The following CSMD1 variants were observed in gnomAD, a reference collection of about 807,000 sequenced individuals.
CSMD1 encodes the protein CUB and Sushi multiple domains 1, also known as CUB and sushi domain-containing protein 1.
A neutral mutation model predicts 417.5 loss-of-function variants in CSMD1; 213 were observed. That is an observed-to-expected ratio of 0.51 (90% CI 0.46 to 0.57). The LOEUF (loss-of-function observed/expected upper bound fraction) is 0.57, where lower values mean the gene tolerates loss of function less well. Among genes scored for constraint, CSMD1 ranks in the 20% least tolerant of loss-of-function variants. CSMD1 has a pLI of 0.00. For missense variants in CSMD1, 6,923 were observed against 4,529.7 expected (o/e 1.53, Z -15.17); for synonymous variants, 2,862 against 1,736.8 (o/e 1.65, Z -16.11).
chr8:4,831,725 C>T (rs1800160513), intron 1 of CSMD1, among the ~76,000 whole-genome samples: 1 of 152,136 alleles, frequency 6.6e-6, no homozygotes, highest in African/African-American at 2.4e-5. Flanking sequence ...CAAACACATG[C>T]CTGTACCTGG....
At chr8:3,063,073 C>A (rs375462572) in intron 49 of CSMD1, among the ~76,000 whole-genome samples, 1 of 152,066 alleles carries the variant, frequency 6.6e-6, no homozygotes, top group Admixed American at 6.6e-5. Flanking sequence ...ACCCAAGAGT[C>A]CCAGGCTCAC....
At chr8:3,009,385 T>C (rs59889026) in intron 52 of CSMD1, among the ~76,000 whole-genome samples, 8 of 152,346 alleles carry the variant, frequency 5.3e-5, no homozygotes, top group African/African-American at 1.2e-4. Context: ...CCTGGGCCTG[T>C]AGGGGAATAC....
intron 5 of CSMD1, among the ~76,000 whole-genome samples, chr8:3,773,691 T>C (rs1275060122): frequency 1.3e-5 from 2 of 152,188 alleles, no homozygotes; most frequent in Non-Finnish European, 2.9e-5. Context: ...AGCAACAGCA[T>C]CTTAATTGAG....
chr8:4,019,127 G>C (rs996713150), intron 4 of CSMD1, among the ~76,000 whole-genome samples: 6 of 152,162 alleles, frequency 3.9e-5, no homozygotes, highest in African/African-American at 1.4e-4. Context: ...ACTAGGCCAT[G>C]GTATCGTAAG....
intron 37 of CSMD1, among the ~76,000 whole-genome samples, chr8:3,175,513 T>TTTTCC (rs1820874960): frequency 9.3e-5 from 5 of 53,772 alleles, no homozygotes; most frequent in South Asian, 8.1e-4. Context: ...GCCTGCCTTT[T>TTTTCC]TTCCTTCCTT....
intron 6 of CSMD1, among the ~76,000 whole-genome samples, chr8:3,712,553 A>G (rs922891696): frequency 7.2e-5 from 11 of 152,204 alleles, no homozygotes; most frequent in Non-Finnish European, 7.3e-5. Context: ...TGAGTCATTC[A>G]TTCTCAGATC....
intron 5 of CSMD1, among the ~76,000 whole-genome samples, chr8:3,778,389 G>A (rs1352150401): frequency 1.3e-5 from 2 of 152,308 alleles, no homozygotes; most frequent in East Asian, 1.9e-4. Context: ...ACCGGGGGCA[G>A]AAACAAATAA....
At chr8:4,302,802 C>A (rs549189638) in intron 3 of CSMD1, among the ~76,000 whole-genome samples, 93 of 152,218 alleles carry the variant, frequency 6.1e-4, no homozygotes, top group African/African-American at 2.2e-3. Context: ...CCTCTACAAG[C>A]CAGAGAGTGA....
At chr8:2,947,977 C>G (rs895981387) in intron 68 of CSMD1, among the ~76,000 whole-genome samples, 1 of 137,624 alleles carries the variant, frequency 7.3e-6, no homozygotes, top group Non-Finnish European at 1.6e-5. Context: ...TTTTTATATT[C>G]AGCACTTTGA....
chr8:3,318,145 G>A (rs1272215309), intron 23 of CSMD1, among the ~76,000 whole-genome samples: 2 of 152,142 alleles, frequency 1.3e-5, no homozygotes, highest in Admixed American at 1.3e-4. Flanking sequence ...TCCTGATGAT[G>A]AAGCTAGTAA....
intron 8 of CSMD1, 118 bp downstream of exon 8, chr8:3,616,592 T>C (rs1459902016): frequency 1.5e-6 from 1 of 667,624 alleles, no homozygotes; most frequent in Admixed American, 2.6e-5. Flanking sequence ...TTAGAGTTAA[T>C]GATTAAGAAG....
At chr8:4,779,229 C>G (rs1032690278) in intron 1 of CSMD1, among the ~76,000 whole-genome samples, 5 of 152,170 alleles carry the variant, frequency 3.3e-5, no homozygotes, top group African/African-American at 1.2e-4. Flanking sequence ...ATGTTAACGT[C>G]TCCCAGCCTC....
intron 23 of CSMD1, among the ~76,000 whole-genome samples, chr8:3,311,013 T>C (rs996197661): frequency 6.6e-6 from 1 of 152,162 alleles, no homozygotes; most frequent in Non-Finnish European, 1.5e-5. Flanking sequence ...CACAGGCTGC[T>C]CAACTTAACA....
chr8:3,486,580 A>G (rs1207982285), intron 11 of CSMD1, among the ~76,000 whole-genome samples: 1 of 152,250 alleles, frequency 6.6e-6, no homozygotes, highest in Non-Finnish European at 1.5e-5. Flanking sequence ...TAGAACAGCC[A>G]GAACAACTGG....
intron 12 of CSMD1, among the ~76,000 whole-genome samples, chr8:3,437,180 G>A (rs1563387989): frequency 1.3e-5 from 2 of 152,114 alleles, no homozygotes; most frequent in African/African-American, 2.4e-5. Context: ...TCATAATACT[G>A]TTCAAGGGGA....
chr8:3,459,263 C>T (rs1169205190), intron 12 of CSMD1, among the ~76,000 whole-genome samples: 1 of 152,186 alleles, frequency 6.6e-6, no homozygotes, highest in Non-Finnish European at 1.5e-5. Context: ...ACTCATGGAC[C>T]AGAGTGAGCA....
At chr8:3,145,043 T>TTGTGTGTGTGTGTG (rs34827109) in intron 40 of CSMD1, among the ~76,000 whole-genome samples, 4,723 of 146,770 alleles carry the variant, frequency 0.032, 124 homozygotes, top group Non-Finnish European at 0.043. Context: ...GAGTAAAGAG[T>TTGTGTGTGTGTGTG]TGTGTGTGTG....
chr8:3,306,270 TC>T, intron 25 of CSMD1, among the ~76,000 whole-genome samples: 1 of 152,338 alleles, frequency 6.6e-6, no homozygotes, highest in Non-Finnish European at 1.5e-5. Context: ...ATATTTTTCA[TC>T]CTTCCACATC....
intron 5 of CSMD1, among the ~76,000 whole-genome samples, chr8:3,923,718 T>C (rs1315840384): frequency 6.6e-6 from 1 of 152,190 alleles, no homozygotes; most frequent in Admixed American, 6.6e-5. Flanking sequence ...CTAGTTCTTA[T>C]GCTTCCTGTC....
Sources: allele counts gnomAD v4.1 joint callset (sites outside exome capture counted in the v4.1 genomes callset), GRCh38; gene constraint gnomAD v4.1.1; transcripts MANE v1.5; gene names NCBI Gene and HGNC (gene_info 2026-07-23, HGNC 2026-07-21).